GRIN2B: variants seen among roughly 807,000 people sequenced by gnomAD.
GRIN2B encodes glutamate ionotropic receptor NMDA type subunit 2B, also known as glutamate receptor ionotropic, NMDA 2B.
In GRIN2B, 5 loss-of-function variants were observed where a neutral mutation model predicts 114.5. That is an observed-to-expected ratio of 0.04 (90% CI 0.02 to 0.09). The LOEUF is 0.09. GRIN2B is among the 10% of genes least tolerant of loss of function. GRIN2B has a pLI of 1.00. For synonymous variants in GRIN2B, 787 were observed against 745.1 expected, an observed-to-expected ratio of 1.06 and a Z score of -0.92; for missense variants, 1,108 against 1,943.5, an observed-to-expected ratio of 0.57 and a Z score of 8.08.
chr12:13,674,910 C>T (rs2136539967), intron 5 of GRIN2B, among the ~76,000 whole-genome samples: 1 of 152,202 alleles, frequency 6.6e-6, no homozygotes, highest in African/African-American at 2.4e-5. Context: ...TAGCATCTCC[C>T]AACCTTATGT....
Position 13,551,134 on chromosome 12 carries a change from A to G in GRIN2B, c.*11649T>C, listed in dbSNP as rs574639061. 3.1e-4 allele frequency: 47 copies of G among 152,084 alleles called. No individual in the cohort carries two copies. Among genetic ancestry groups the G allele is most frequent in the Admixed American group, 2.9e-3 (45 of 15,286 alleles). The allele number at this position is 152,084 out of a possible 1,614,324, so 9.4% of individuals were successfully genotyped here. ...TTTTTCTTGCTCCTGACCCTGGGAG[A>G]GAGAGAACAGATAAATTATTGAATC... On this transcript the variant is annotated 3_prime_UTR_variant, in exon 14 of 14. Coordinates refer to ENST00000609686, the MANE Select transcript of GRIN2B (RefSeq NM_000834.5).
At chr12:13,968,123 A>G (rs144483482) in intron 2 of GRIN2B, among the ~76,000 whole-genome samples, 58 of 152,358 alleles carry the variant, frequency 3.8e-4, no homozygotes, top group Admixed American at 2.9e-3. Context: ...TGCAGGTCAC[A>G]ATGTCTAGGT....
chr12:13,695,852 C>T (rs1950254884), intron 4 of GRIN2B, among the ~76,000 whole-genome samples: 1 of 150,524 alleles, frequency 6.6e-6, no homozygotes, highest in Non-Finnish European at 1.5e-5. Context: ...AAACCTGAAC[C>T]CCAGTAGCGG....
chr12:13,950,321 G>A (rs939232410), intron 2 of GRIN2B, among the ~76,000 whole-genome samples: 11 of 152,220 alleles, frequency 7.2e-5, no homozygotes, highest in African/African-American at 2.4e-4. Context: ...CCAAAGGACT[G>A]TAGCATTGGG....
intron 2 of GRIN2B, among the ~76,000 whole-genome samples, chr12:13,933,653 C>T (rs533090070): frequency 6.8e-4 from 103 of 152,236 alleles, no homozygotes; most frequent in Middle Eastern, 3.4e-3. Flanking sequence ...CAAAGATGAG[C>T]ATGTGGCCCT....
At chr12:13,652,593 C>A (rs1293589601) in intron 5 of GRIN2B, among the ~76,000 whole-genome samples, 1 of 151,998 alleles carries the variant, frequency 6.6e-6, no homozygotes, top group Non-Finnish European at 1.5e-5. Context: ...ATTTATTATG[C>A]ATGGGTATAA....
At chr12:13,854,723 A>C (rs1466781138) in intron 3 of GRIN2B, among the ~76,000 whole-genome samples, 1 of 152,114 alleles carries the variant, frequency 6.6e-6, no homozygotes, top group Non-Finnish European at 1.5e-5. Context: ...GAGAACACCC[A>C]AACTGCATGT....
At chr12:13,685,902 C>T (rs1019392405) in intron 4 of GRIN2B, among the ~76,000 whole-genome samples, 1 of 152,050 alleles carries the variant, frequency 6.6e-6, no homozygotes, top group Non-Finnish European at 1.5e-5. Context: ...GCTTTCTGGG[C>T]TACAGTTCAG....
At chr12:13,783,618 A>T (rs1211315023) in intron 3 of GRIN2B, among the ~76,000 whole-genome samples, 1 of 152,186 alleles carries the variant, frequency 6.6e-6, no homozygotes, top group Non-Finnish European at 1.5e-5. Context: ...GGACAAAGAG[A>T]GCTGACTGAA....
intron 5 of GRIN2B, among the ~76,000 whole-genome samples, chr12:13,670,731 C>G (rs1950015473): frequency 6.6e-6 from 1 of 152,102 alleles, no homozygotes; most frequent in South Asian, 2.1e-4. Flanking sequence ...CCCTTTCCAA[C>G]TCACCATGCT....
chr12:13,785,428 C>A (rs906916647), intron 3 of GRIN2B, among the ~76,000 whole-genome samples: 1 of 152,156 alleles, frequency 6.6e-6, no homozygotes, highest in Non-Finnish European at 1.5e-5. Context: ...GCCCAAACAC[C>A]CTTTTCCAGG....
At chr12:13,674,429 A>T (rs182888253) in intron 5 of GRIN2B, among the ~76,000 whole-genome samples, 1 of 152,244 alleles carries the variant, frequency 6.6e-6, no homozygotes, top group Non-Finnish European at 1.5e-5. Context: ...TGACAAGAGA[A>T]AATGCATGAT....
chr12:13,760,685 G>A (rs1161469802), intron 3 of GRIN2B, among the ~76,000 whole-genome samples: 2 of 152,204 alleles, frequency 1.3e-5, no homozygotes, highest in Non-Finnish European at 2.9e-5. Flanking sequence ...ATGTAGAAAT[G>A]ATGGGCTAAG....
chr12:13,807,053 A>T (rs1864614140), intron 3 of GRIN2B, among the ~76,000 whole-genome samples: 1 of 152,176 alleles, frequency 6.6e-6, no homozygotes, highest in Admixed American at 6.6e-5. Context: ...TTATATAAAC[A>T]TAAGGTCCAT....
chr12:13,711,629 T>C (rs1431696705), intron 4 of GRIN2B, among the ~76,000 whole-genome samples: 1 of 151,896 alleles, frequency 6.6e-6, no homozygotes, highest in African/African-American at 2.4e-5. Context: ...CATGAAAAAA[T>C]GCTCATCATC....
intron 5 of GRIN2B, among the ~76,000 whole-genome samples, chr12:13,623,628 G>A (rs948539998): frequency 6.6e-6 from 1 of 152,064 alleles, no homozygotes; most frequent in Non-Finnish European, 1.5e-5. Context: ...ATTTTCTATT[G>A]AGTTGTTTGT....
At chr12:13,700,096 G>T (rs1013353833) in intron 4 of GRIN2B, among the ~76,000 whole-genome samples, 2 of 152,082 alleles carry the variant, frequency 1.3e-5, no homozygotes, top group African/African-American at 4.8e-5. Context: ...GCAGTAATAC[G>T]CTGTCTGTCT....
chr12:13,859,777 C>T (rs568575341), intron 3 of GRIN2B, among the ~76,000 whole-genome samples: 1 of 152,286 alleles, frequency 6.6e-6, no homozygotes, highest in African/African-American at 2.4e-5. Flanking sequence ...CTACTACTTC[C>T]CTCATGGGAT....
At chr12:13,601,518 A>AT (rs199904898) in intron 10 of GRIN2B, among the ~76,000 whole-genome samples, 12,393 of 144,812 alleles carry the variant, frequency 0.086, 648 homozygotes, top group East Asian at 0.18. Flanking sequence ...ATTTGCAAAG[A>AT]TTTTTTTTTT....
Sources: gnomAD v4.1 joint callset for allele counts (sites outside exome capture counted in the v4.1 genomes callset) on GRCh38, gnomAD v4.1.1 for gene constraint, MANE v1.5 for transcripts, NCBI Gene and HGNC (gene_info 2026-07-23, HGNC 2026-07-21) for gene names.